The following TYW1B variants were observed in gnomAD, a reference collection of about 807,000 sequenced individuals.
TYW1B encodes S-adenosyl-L-methionine-dependent tRNA 4-demethylwyosine synthase TYW1B.
Under a neutral mutation model 86.9 loss-of-function variants are expected in TYW1B, and 73 were observed. The ratio of observed to expected loss-of-function variants is 0.84; its 90% confidence interval spans 0.70 to 1.02. TYW1B has a LOEUF of 1.02. Among genes scored for constraint, TYW1B ranks in the 50% least tolerant of loss-of-function variants. The pLI, the probability that TYW1B is intolerant of heterozygous loss-of-function variation, is 0.00. For synonymous variants in TYW1B, 248 were observed against 292.8 expected (o/e 0.85, Z 1.56); for missense variants, 637 against 827.4 (o/e 0.77, Z 2.82).
intron 13 of TYW1B, among the ~76,000 whole-genome samples, chr7:72,593,045 G>A (rs1811433099): frequency 6.6e-6 from 1 of 152,182 alleles, no homozygotes; most frequent in Non-Finnish European, 1.5e-5. Flanking sequence ...GCTCACACCT[G>A]TAATCCCAGC....
intron 6 of TYW1B, among the ~76,000 whole-genome samples, chr7:72,779,344 T>C (rs1412453254): frequency 2.0e-5 from 3 of 152,284 alleles, no homozygotes; most frequent in South Asian, 4.1e-4. Context: ...GGCCAGGCAA[T>C]AGGTAATAAG....
At chr7:72,590,684 A>G (rs1811376855) in intron 13 of TYW1B, among the ~76,000 whole-genome samples, 1 of 152,230 alleles carries the variant, frequency 6.6e-6, no homozygotes, top group African/African-American at 2.4e-5. Context: ...AACAAAACAA[A>G]GCAAAACAAA....
intron 13 of TYW1B, among the ~76,000 whole-genome samples, chr7:72,606,197 TAA>T (rs35282840): frequency 7.0e-6 from 1 of 142,778 alleles, no homozygotes; most frequent in Admixed American, 6.9e-5. Context: ...AACTATTGGA[TAA>T]AAAAAAAAAG....
At chr7:72,771,611 G>A (rs1379475535) in intron 7 of TYW1B, among the ~76,000 whole-genome samples, 1 of 152,068 alleles carries the variant, frequency 6.6e-6, no homozygotes, top group East Asian at 1.9e-4. Context: ...TCACCCCTGA[G>A]TGGCTCCCAA....
At chr7:72,801,407 A>G (rs1380286982) in intron 6 of TYW1B, among the ~76,000 whole-genome samples, 1 of 152,186 alleles carries the variant, frequency 6.6e-6, no homozygotes, top group East Asian at 1.9e-4. Flanking sequence ...GTTCTCTTTT[A>G]CTATAGCTTC....
In TYW1B at chr7:72,709,075, G is replaced by A. The variant is rs535980629; in HGVS notation, c.1370+4546C>T. ...ACTGCTCTGTTTCAGAAAAAGGTAA[G>A]ATGAAAGACTATGTCCTCAACCCAT... On this transcript the variant is annotated intron_variant, in intron 10 of 13. Coordinates refer to ENST00000620995, the MANE Select transcript of TYW1B (RefSeq NM_001145440.3). 6.0e-3 allele frequency among the ~76,000 whole-genome samples: 916 copies of A among 151,772 alleles called. 7 individuals are homozygous for A. Among genetic ancestry groups the A allele is most frequent in the Admixed American group, 0.023 (357 of 15,228 alleles).
chr7:72,717,256 G>A (rs1172422359), intron 9 of TYW1B, among the ~76,000 whole-genome samples: 1 of 151,156 alleles, frequency 6.6e-6, no homozygotes, highest in Non-Finnish European at 1.5e-5. Context: ...AGCTGAGACT[G>A]CGCCACTGCC....
chr7:72,767,365 G>T (rs1279430318), intron 7 of TYW1B, among the ~76,000 whole-genome samples: 1 of 152,018 alleles, frequency 6.6e-6, no homozygotes, highest in African/African-American at 2.4e-5. Flanking sequence ...CCAGCACTTT[G>T]GGAGACCAAG....
chr7:72,699,058 C>T (rs1183307920), intron 10 of TYW1B, among the ~76,000 whole-genome samples: 1 of 152,222 alleles, frequency 6.6e-6, no homozygotes, highest in South Asian at 2.1e-4. Flanking sequence ...GAGAGTCCCA[C>T]CACGCAGCGC....
intron 13 of TYW1B, among the ~76,000 whole-genome samples, chr7:72,589,056 AC>A (rs1176795142): frequency 2.0e-5 from 3 of 151,694 alleles, no homozygotes; most frequent in Non-Finnish European, 4.4e-5. Flanking sequence ...CAGGTGATCC[AC>A]CCGCCTCAGC....
chr7:72,650,903 T>C (rs1813041092), intron 11 of TYW1B, among the ~76,000 whole-genome samples: 1 of 152,194 alleles, frequency 6.6e-6, no homozygotes, highest in African/African-American at 2.4e-5. Context: ...GATGGCAACT[T>C]TTCCATATTA....
At chr7:72,655,397 A>G (rs1458436730) in intron 11 of TYW1B, among the ~76,000 whole-genome samples, 1 of 152,150 alleles carries the variant, frequency 6.6e-6, no homozygotes. Flanking sequence ...AGGAGCCCCA[A>G]GCAACTACAT....
At chr7:72,792,612 G>A (rs1283730434) in intron 6 of TYW1B, among the ~76,000 whole-genome samples, 1 of 152,092 alleles carries the variant, frequency 6.6e-6, no homozygotes, top group African/African-American at 2.4e-5. Context: ...CTTAGATGCC[G>A]GAATTTCAAT....
At chr7:72,682,426 G>C (rs536647578) in intron 11 of TYW1B, among the ~76,000 whole-genome samples, 1 of 152,144 alleles carries the variant, frequency 6.6e-6, no homozygotes, top group Non-Finnish European at 1.5e-5. Flanking sequence ...AACTGGGCTA[G>C]GAAAGAACCA....
chr7:72,731,416 CAA>C (rs1162375109), intron 8 of TYW1B, among the ~76,000 whole-genome samples: 8 of 49,224 alleles, frequency 1.6e-4, no homozygotes, highest in Non-Finnish European at 2.6e-4. Context: ...AAAAAAAAAA[CAA>C]GAGAGTAAGA....
At chr7:72,818,578 CAA>C (rs57325230) in intron 2 of TYW1B, among the ~76,000 whole-genome samples, 35 of 38,416 alleles carry the variant, frequency 9.1e-4, no homozygotes, top group African/African-American at 3.1e-3. Context: ...GACTCCATCT[CAA>C]AAAAAAAAAA....
At chr7:72,662,242 T>C (rs1467262551) in intron 11 of TYW1B, among the ~76,000 whole-genome samples, 2 of 152,212 alleles carry the variant, frequency 1.3e-5, no homozygotes, top group Non-Finnish European at 2.9e-5. Context: ...TCTGGTGATA[T>C]AAATCTTTAA....
intron 11 of TYW1B, among the ~76,000 whole-genome samples, chr7:72,676,945 G>T (rs1437260798): frequency 6.6e-6 from 1 of 151,890 alleles, no homozygotes; most frequent in Non-Finnish European, 1.5e-5. Flanking sequence ...GTGACAGAGC[G>T]AGAGACTGTC....
At chr7:72,707,272 G>A (rs1287390579) in intron 10 of TYW1B, among the ~76,000 whole-genome samples, 9 of 152,248 alleles carry the variant, frequency 5.9e-5, no homozygotes, top group Non-Finnish European at 1.5e-5. Flanking sequence ...TTGAAACCCT[G>A]CCACCCTGTG....
Sources: gnomAD v4.1 joint callset for allele counts (sites outside exome capture counted in the v4.1 genomes callset) on GRCh38, gnomAD v4.1.1 for gene constraint, MANE v1.5 for transcripts, NCBI Gene and HGNC (gene_info 2026-07-23, HGNC 2026-07-21) for gene names.